Variants in NSD3 observed in about 807,000 individuals in gnomAD.
The protein encoded by NSD3 is nuclear receptor binding SET domain protein 3.
A neutral mutation model predicts 160.8 loss-of-function variants in NSD3; 24 were observed. That is an observed-to-expected ratio of 0.15 (90% CI 0.11 to 0.21). The LOEUF is 0.21. NSD3 is among the 10% of genes least tolerant of loss of function. The pLI is 1.00. For missense variants in NSD3, 1,157 were observed against 1,735.9 expected (o/e 0.67, Z 5.93); for synonymous variants, 520 against 600.0 (o/e 0.87, Z 1.95).
In NSD3 at chr8:38,276,513, A is replaced by G. The variant is rs371237394; in HGVS notation, c.3868-13T>C. 19 of 1,613,952 alleles carry G rather than the reference A, an allele frequency of 1.2e-5. No homozygotes were observed. The highest frequency in any genetic ancestry group is 1.6e-5 in the Non-Finnish European group (19 of 1,179,876). On this transcript the variant is annotated splice_polypyrimidine_tract_variant and intron_variant, in intron 22 of 23. Transcript: ENST00000317025. ...ACGCACATGCCGACTGGCAGGAAAG[A>G]AAGGATCATAGTTTCAAACATCACA...
In NSD3 at chr8:38,316,854, A is replaced by T; in HGVS notation, c.1856-812T>A. Reference sequence around the variant, plus strand: ...GTAATACAAATCCAGCCAAAACAATAGTGCAAAAAGTTACAAAGCAACAAT... The same window carrying T: ...GTAATACAAATCCAGCCAAAACAATTGTGCAAAAAGTTACAAAGCAACAAT... On this transcript the variant is annotated intron_variant, in intron 9 of 23. Coordinates refer to ENST00000317025, the MANE Select transcript of NSD3 (RefSeq NM_023034.2). The surrounding 1 kb of genome is among the most constrained non-coding windows in gnomAD (Gnocchi z 4.5). The T allele has an allele frequency of 9.4e-7, 1 of 1,062,732 alleles. No individual in the cohort carries two copies. The highest frequency in any genetic ancestry group is 1.6e-5 in the African/African-American group (1 of 61,010). 65.8% of individuals were successfully genotyped at this position (1,062,732 alleles called of 1,614,324 possible).
At chr8:38,281,021 A>C (rs187004822) in intron 20 of NSD3, among the ~76,000 whole-genome samples, 2 of 152,210 alleles carry the variant, frequency 1.3e-5, no homozygotes, top group East Asian at 3.9e-4. Flanking sequence ...CTCCCAAAGT[A>C]TTGGGATTAC....
chr8:38,327,754 C>T (rs914532901), intron 6 of NSD3, among the ~76,000 whole-genome samples: 1 of 151,970 alleles, frequency 6.6e-6, no homozygotes, highest in Admixed American at 6.6e-5. Flanking sequence ...GACAAGAATA[C>T]CCCTAGATAC....
chr8:38,321,015 G>GTT lies in NSD3; in HGVS notation c.1809+56_1809+57insAA. On this transcript the variant is annotated intron_variant, in intron 8 of 23. Transcript: ENST00000317025. This position sits in a 1 kb window ranked among gnomAD's most constrained non-coding sequence, Gnocchi z 4.7. Reference sequence around the variant, plus strand: ...TTTCTCTTTCTTTTAAGACAGGAATGTAAGCCACAACATTTACAAATACAA... The same window carrying GTT: ...TTTCTCTTTCTTTTAAGACAGGAATGTTTAAGCCACAACATTTACAAATACAA... The GTT allele has an allele frequency of 6.6e-7, 1 of 1,507,148 alleles. No individual in the cohort carries two copies. The highest frequency in any genetic ancestry group is 1.1e-5 in the South Asian group (1 of 88,176). The allele number at this position is 1,507,148 out of a possible 1,614,324, so 93.4% of individuals were successfully genotyped here.
At chr8:38,377,179 A>T (rs1172092672) in intron 1 of NSD3, among the ~76,000 whole-genome samples, 1 of 152,110 alleles carries the variant, frequency 6.6e-6, no homozygotes, top group African/African-American at 2.4e-5. Context: ...CAGCCTCCGG[A>T]GTAGCCGGGA....
chr8:38,365,907 A>T (rs1020583733), intron 1 of NSD3, among the ~76,000 whole-genome samples: 11 of 152,028 alleles, frequency 7.2e-5, no homozygotes, highest in African/African-American at 2.7e-4. Flanking sequence ...AAAAGATTTA[A>T]ATTACGGTTT....
chr8:38,356,059 C>A (rs752820378), intron 1 of NSD3, among the ~76,000 whole-genome samples: 3 of 152,212 alleles, frequency 2.0e-5, no homozygotes, highest in Non-Finnish European at 2.9e-5. Flanking sequence ...CACTCCCACT[C>A]CCCAGAGTTA....
chr8:38,358,092 T>C (rs560865695), intron 1 of NSD3, among the ~76,000 whole-genome samples: 2 of 152,276 alleles, frequency 1.3e-5, no homozygotes, highest in Non-Finnish European at 2.9e-5. Flanking sequence ...TGTATATATA[T>C]ATTTAAAACC....
At chr8:38,303,364 C>T (rs1187132205) in intron 14 of NSD3, 1 of 985,304 alleles carries the variant, frequency 1.0e-6, no homozygotes, top group African/African-American at 1.7e-5. Flanking sequence ...TCCATGATAC[C>T]AGCCAGGTTT....
intron 7 of NSD3, among the ~76,000 whole-genome samples, chr8:38,322,378 GA>G (rs772121600): frequency 7.2e-5 from 11 of 152,140 alleles, no homozygotes; most frequent in Non-Finnish European, 1.2e-4. Context: ...TTACACTGAC[GA>G]AAATGTTTAC....
chr8:38,305,746 T>C (rs1809377992), intron 12 of NSD3, among the ~76,000 whole-genome samples: 1 of 152,128 alleles, frequency 6.6e-6, no homozygotes, highest in South Asian at 2.1e-4. Flanking sequence ...GCAGCAAAGT[T>C]TTCCCCACAT....
At chr8:38,371,712 C>T (rs1359236144) in intron 1 of NSD3, among the ~76,000 whole-genome samples, 1 of 152,120 alleles carries the variant, frequency 6.6e-6, no homozygotes, top group Non-Finnish European at 1.5e-5. Flanking sequence ...TTGCAGAGAT[C>T]ATACAAAAGG....
At chr8:38,300,108 C>T (rs1414711770) in intron 14 of NSD3, among the ~76,000 whole-genome samples, 1 of 151,942 alleles carries the variant, frequency 6.6e-6, no homozygotes, top group Non-Finnish European at 1.5e-5. Context: ...ACTTTCTCTG[C>T]CAGATAATGA....
At chr8:38,293,655 G>A (rs1385305657) in intron 16 of NSD3, among the ~76,000 whole-genome samples, 1 of 151,714 alleles carries the variant, frequency 6.6e-6, no homozygotes, top group African/African-American at 2.4e-5. Context: ...GGGCACAGTG[G>A]CTCACATCTG....
At chr8:38,350,017 A>T (rs1464779961) in intron 1 of NSD3, among the ~76,000 whole-genome samples, 1 of 152,080 alleles carries the variant, frequency 6.6e-6, no homozygotes, top group African/African-American at 2.4e-5. Context: ...ACATGAACTT[A>T]TCATTTTTTA....
intron 4 of NSD3, among the ~76,000 whole-genome samples, chr8:38,333,496 G>A (rs979168791): frequency 1.3e-5 from 2 of 152,156 alleles, no homozygotes; most frequent in Non-Finnish European, 2.9e-5. Flanking sequence ...CTTTCAACAT[G>A]CTCTTACAAA....
chr8:38,301,777 T>G (rs1296249958), intron 14 of NSD3, among the ~76,000 whole-genome samples: 2 of 152,234 alleles, frequency 1.3e-5, no homozygotes, highest in Admixed American at 1.3e-4. Context: ...TATGGAGAGA[T>G]AACTTCTTAG....
chr8:38,344,512 G>A (rs556941608), intron 2 of NSD3, among the ~76,000 whole-genome samples: 1 of 152,210 alleles, frequency 6.6e-6, no homozygotes, highest in African/African-American at 2.4e-5. Context: ...GACCTTAAGT[G>A]ATCCACCCAC....
intron 19 of NSD3, among the ~76,000 whole-genome samples, chr8:38,282,388 T>C (rs555517701): frequency 1.9e-3 from 291 of 152,324 alleles, no homozygotes; most frequent in Non-Finnish European, 3.5e-3. Context: ...AAGAATGTTT[T>C]GGCTGGTCGC....
Sources: allele counts gnomAD v4.1 joint callset (sites outside exome capture counted in the v4.1 genomes callset), GRCh38; gene constraint gnomAD v4.1.1; non-coding constraint Gnocchi (gnomAD v3.1); transcripts MANE v1.5; gene names NCBI Gene and HGNC (gene_info 2026-07-23, HGNC 2026-07-21).